WDR81: variants seen among roughly 807,000 people sequenced by gnomAD.
WDR81 encodes WD repeat-containing protein 81.
In WDR81, 92 loss-of-function variants were observed where a neutral mutation model predicts 140.8. That is an observed-to-expected ratio of 0.65 (90% CI 0.55 to 0.78). The LOEUF is 0.78. WDR81 is among the 30% of genes least tolerant of loss of function. The probability of loss-of-function intolerance (pLI) is 0.00; values close to 1 mark genes in which losing one functional copy is unlikely to be tolerated. For synonymous variants in WDR81, 1,183 were observed against 1,156.4 expected, an observed-to-expected ratio of 1.02 and a Z score of -0.47; for missense variants, 2,502 against 2,636.4, an observed-to-expected ratio of 0.95 and a Z score of 1.12.
Position 1,730,482 on chromosome 17 carries a change from A to C in WDR81, c.3770A>C (p.Tyr1257Ser). The C allele has an allele frequency of 1.2e-6, 2 of 1,612,806 alleles. No individual in the cohort carries two copies. The highest frequency in any genetic ancestry group is 1.7e-6 in the Non-Finnish European group (2 of 1,179,732). ...RNLLRLLTSC[Y>S]VGPTRQQFTV... is the part of the protein sequence containing the mutation. ...CTGCTCCGCCTGCTGACGTCTTGTT[A>C]TGTTGGTAAGGAGGCCTGCGGTCAG... The change falls in exon 2 of 10, where the codon TAT becomes TCT. Residue 1257 changes from tyrosine to serine, a missense_variant. By Grantham distance (144) the Tyr-to-Ser change is moderately radical. This residue lies in a region of WDR81 where 1,737 missense variants were observed against 1,843.0 expected (regional missense o/e 0.94). Coordinates refer to ENST00000409644, the MANE Select transcript of WDR81 (RefSeq NM_001163809.2).
intron 1 of WDR81, among the ~76,000 whole-genome samples, chr17:1,718,210 C>G (rs1257755320): frequency 6.6e-6 from 1 of 152,040 alleles, no homozygotes; most frequent in Non-Finnish European, 1.5e-5. Flanking sequence ...CTCCACCTCC[C>G]GGGTTCAAGC....
chr17:1,728,980 G>C (rs928451496), intron 1 of WDR81, among the ~76,000 whole-genome samples: 4 of 151,938 alleles, frequency 2.6e-5, no homozygotes, highest in African/African-American at 9.7e-5. Context: ...CAAAAAAACA[G>C]CTCCTGCTTC....
rs1172228608 is a variant in WDR81 at position 1,726,405 on chromosome 17, G to A, written c.1446G>A (p.Arg482=). The change falls in exon 1 of 10, where the codon CGG becomes CGA. Residue 482 remains arginine (R), a synonymous_variant. Coordinates refer to ENST00000409644, the MANE Select transcript of WDR81 (RefSeq NM_001163809.2). The part of the protein sequence containing the change: ...EPHEYPASME[R]MQNWTPDECI... ...ATGAGTATCCGGCCAGCATGGAGCG[G>A]ATGCAGAACTGGACCCCGGATGAGT... 2 of 1,550,202 alleles carry A rather than the reference G, an allele frequency of 1.3e-6. No homozygotes were observed. The highest frequency in any genetic ancestry group is 1.4e-5 in the African/African-American group (1 of 73,048).
Position 1,733,530 on chromosome 17 carries a change from A to T in WDR81, c.4493A>T (p.Asp1498Val), listed in dbSNP as rs1904554281. 6.6e-7 allele frequency: 1 copy of T among 1,515,760 alleles called. No individual in the cohort carries two copies. Among genetic ancestry groups the T allele is most frequent in the East Asian group, 2.3e-5 (1 of 43,842 alleles). 93.9% of individuals were successfully genotyped at this position (1,515,760 alleles called of 1,614,324 possible). Residue 1498 changes from aspartate (D) to valine (V), a missense_variant, in exon 7 of 10, where the codon GAC becomes GTC. Asp to Val is a radical substitution (Grantham distance 152). Coordinates refer to ENST00000409644, the MANE Select transcript of WDR81 (RefSeq NM_001163809.2). ...GACCTCTCCCACTCCTATCCAGGTG[A>T]CATCATCCGGAAAATCATCCCCAAC... ...IYVPFSCLLG[D>V]IIRKIIPNHE...
rs771563753 is a variant in WDR81, at chr17:1,731,093, C to T, written c.3992C>T (p.Pro1331Leu). ...GTGGCCCCAGGGAGTGCCTCAGGCC[C>T]CAGCCGACTGAACAGCCGTAAGGAG... ...YLVAPGSASG[P>L]SRLNSRKEAG... is the part of the protein sequence containing the mutation. Residue 1331 changes from proline (P) to leucine (L), a missense_variant, in exon 4 of 10, where the codon CCC (proline) becomes CTC (leucine). This residue lies in a region of WDR81 where 1,737 missense variants were observed against 1,843.0 expected (regional missense o/e 0.94). Coordinates refer to ENST00000409644, the MANE Select transcript of WDR81 (RefSeq NM_001163809.2). The T allele has an allele frequency of 3.1e-5, 50 of 1,612,630 alleles. No homozygotes were observed. Among genetic ancestry groups the T allele is most frequent in the Non-Finnish European group, 4.1e-5 (48 of 1,179,884 alleles).
In WDR81 at chr17:1,731,051, C is replaced by G; in HGVS notation, c.3967-17C>G. On this transcript the variant is annotated splice_polypyrimidine_tract_variant and intron_variant, in intron 3 of 9. Coordinates refer to ENST00000409644, the MANE Select transcript of WDR81 (RefSeq NM_001163809.2). Reference sequence around the variant, plus strand: ...GTCTGTGGGGCTGCCCGGCCCTCATCTGCTCGGTGGCTCTAGGTGGCCCCA... The same window carrying G: ...GTCTGTGGGGCTGCCCGGCCCTCATGTGCTCGGTGGCTCTAGGTGGCCCCA... 1 of 1,610,304 alleles carries G rather than the reference C, an allele frequency of 6.2e-7. No homozygotes were observed. Among genetic ancestry groups the G allele is most frequent in the South Asian group, 1.1e-5 (1 of 90,840 alleles).
upstream of WDR81, among the ~76,000 whole-genome samples, chr17:1,720,769 A>AG (rs917897527): frequency 3.5e-5 from 3 of 85,166 alleles, no homozygotes; most frequent in African/African-American, 1.2e-4. Flanking sequence ...CGTATCAAGA[A>AG]AAAAAAAAAA....
At chr17:1,721,290 C>T (rs1013474978), upstream of WDR81, among the ~76,000 whole-genome samples, 4 of 151,750 alleles carry the variant, frequency 2.6e-5, no homozygotes, top group Admixed American at 1.3e-4. Context: ...ACCCGGGAGG[C>T]GGAGGTTGTG....
Position 1,725,986 on chromosome 17 carries a change from G to T in WDR81, c.1027G>T (p.Glu343Ter). 1 of 1,549,568 alleles carries T rather than the reference G, an allele frequency of 6.5e-7. No homozygotes were observed. The highest frequency in any genetic ancestry group is 1.4e-5 in the African/African-American group (1 of 73,158). The change falls in exon 1 of 10, where the codon GAG becomes TAG. Residue 343 changes from glutamate (E) to a stop codon, truncating the protein, a stop_gained. Transcript: ENST00000409644. LOFTEE classifies it high-confidence loss of function. Reference protein sequence around the residue: ...GGQPGQPTGQEELRSLVLDWV... With the variant: ...GGQPGQPTGQ ...GCAACCTGGGCAACCCACTGGCCAG[G>T]AGGAACTTCGGAGCCTCGTGCTAGA...
intron 1 of WDR81, among the ~76,000 whole-genome samples, chr17:1,729,056 C>T (rs902000705): frequency 1.3e-5 from 2 of 152,224 alleles, no homozygotes; most frequent in Admixed American, 6.5e-5. Flanking sequence ...CCACCGGCAA[C>T]ACAAATGTAG....
At position 1,732,510 on chromosome 17, in the gene WDR81, C is replaced by T. The variant is rs758112604; in HGVS notation, c.4323+20C>T. ...CAACAGGTGGGCAGATCTGCTGGGCCAGGGCGGGCTGGGGCGGGGGCTGTG... is the reference window on the plus strand; with the variant it reads ...CAACAGGTGGGCAGATCTGCTGGGCTAGGGCGGGCTGGGGCGGGGGCTGTG... On this transcript the variant is annotated intron_variant, in intron 5 of 9. Transcript: ENST00000409644. 6.2e-7 allele frequency: 1 copy of T among 1,608,414 alleles called. No individual in the cohort carries two copies. Among genetic ancestry groups the T allele is most frequent in the African/African-American group, 1.3e-5 (1 of 74,792 alleles).
In WDR81 at chr17:1,727,224, C is replaced by T; in HGVS notation, c.2265C>T (p.Pro755=). 1.3e-6 allele frequency: 2 copies of T among 1,550,304 alleles called. No individual in the cohort carries two copies. The highest frequency in any genetic ancestry group is 1.7e-6 in the Non-Finnish European group (2 of 1,146,924). The part of the protein sequence containing the change: ...LGGLLEVPEQ[P]RVQPAVPLQC... ...GCCTGTTGGAGGTGCCTGAGCAGCC[C>T]CGGGTCCAGCCGGCTGTGCCACTGC... Residue 755 remains proline (P), a synonymous_variant, in exon 1 of 10, where the codon CCC becomes CCT. Coordinates refer to ENST00000409644, the MANE Select transcript of WDR81 (RefSeq NM_001163809.2).
Position 1,737,629 on chromosome 17 carries a change from A to T in WDR81, c.5770A>T (p.Thr1924Ser). 3 of 1,612,512 alleles carry T rather than the reference A, an allele frequency of 1.9e-6. No homozygotes were observed. The highest frequency in any genetic ancestry group is 2.5e-6 in the Non-Finnish European group (3 of 1,179,958). ...GCTCACCAGCCTGGCCTTGCTGCCC[A>T]CTAAACGCCACCTCCTGCTGGGCTC... ...GTLTSLALLP[T>S]KRHLLLGSDN... is the part of the protein sequence containing the mutation. Residue 1924 changes from threonine to serine, a missense_variant, in exon 10 of 10, where the codon ACT becomes TCT. Coordinates refer to ENST00000409644, the MANE Select transcript of WDR81 (RefSeq NM_001163809.2).
chr17:1,717,746 C>G (rs1303327149), intron 1 of WDR81, among the ~76,000 whole-genome samples: 1 of 152,190 alleles, frequency 6.6e-6, no homozygotes, highest in Non-Finnish European at 1.5e-5. Flanking sequence ...CCCCATCACT[C>G]CAAGACTGTC....
At chr17:1,717,243 G>C (rs1001587850) in intron 1 of WDR81, 3 of 152,932 alleles carry the variant, frequency 2.0e-5, no homozygotes, top group Admixed American at 6.5e-5. Flanking sequence ...TCAGAGTCTA[G>C]ATGAGCGGGG....
chr17:1,716,542 C>T (rs1225928255), exon 1 of WDR81: 3 of 1,549,966 alleles, frequency 1.9e-6, no homozygotes, highest in Non-Finnish European at 2.6e-6. Flanking sequence ...TCCTAAAGAG[C>T]AGGCGAAAGC....
intron 4 of WDR81, 106 bp from the exon 5 acceptor site, chr17:1,732,219 A>G (rs905213010): frequency 2.7e-6 from 4 of 1,456,760 alleles, no homozygotes; most frequent in Non-Finnish European, 3.7e-6. Context: ...CCTGGATGAC[A>G]GAGCAAGACT....
chr17:1,718,408 C>A (rs1914702913), intron 1 of WDR81, among the ~76,000 whole-genome samples: 1 of 152,224 alleles, frequency 6.6e-6, no homozygotes, highest in Non-Finnish European at 1.5e-5. Flanking sequence ...GTGTGAGCCA[C>A]CGCGCCCGGC....
Position 1,725,649 on chromosome 17 carries a change from GCTGTATGTGGTACACC to G in WDR81, c.693_708del (p.Tyr232ThrfsTer17). ...AGGCCTTGCTGGAGTCGCCGGAGAT[GCTGTATGTGGTACACC>G]CTTACGTACAGTTCTCCCTACATGA... On this transcript the variant is annotated frameshift_variant, in exon 1 of 10. Coordinates refer to ENST00000409644, the MANE Select transcript of WDR81 (RefSeq NM_001163809.2). LOFTEE classifies it high-confidence loss of function. The G allele has an allele frequency of 6.5e-7, 1 of 1,546,270 alleles. No homozygotes were observed. The highest frequency in any genetic ancestry group is 8.7e-7 in the Non-Finnish European group (1 of 1,146,978).
Sources: allele counts gnomAD v4.1 joint callset (sites outside exome capture counted in the v4.1 genomes callset), GRCh38; gene constraint gnomAD v4.1.1; regional missense constraint gnomAD v4.1.1; transcripts MANE v1.5; gene names NCBI Gene and HGNC (gene_info 2026-07-23, HGNC 2026-07-21).